KCNAB1: variants seen among roughly 807,000 people sequenced by gnomAD.
The protein encoded by KCNAB1 is voltage-gated potassium channel subunit beta-1.
KCNAB1 carries 35 observed loss-of-function variants against 64.6 expected under a neutral mutation model. That is an observed-to-expected ratio of 0.54 (90% CI 0.41 to 0.72). The LOEUF is 0.72. Among genes scored for constraint, KCNAB1 ranks in the 30% least tolerant of loss-of-function variants. The pLI is 0.00. For synonymous variants in KCNAB1, 177 were observed against 183.8 expected (o/e 0.96, Z 0.30); for missense variants, 401 against 512.9 (o/e 0.78, Z 2.11).
intron 1 of KCNAB1, among the ~76,000 whole-genome samples, chr3:156,265,917 A>G (rs922961548): frequency 6.6e-6 from 1 of 152,222 alleles, no homozygotes. Context: ...GCTTGAACCC[A>G]GGAGGCGGAG....
At chr3:156,197,688 TTTC>T (rs1257182717) in intron 1 of KCNAB1, among the ~76,000 whole-genome samples, 1 of 152,198 alleles carries the variant, frequency 6.6e-6, no homozygotes, top group East Asian at 1.9e-4. Flanking sequence ...TCTTCTCTCT[TTTC>T]TTCTTTATTA....
intron 1 of KCNAB1, among the ~76,000 whole-genome samples, chr3:156,149,581 T>A (rs541016328): frequency 3.9e-5 from 6 of 152,294 alleles, no homozygotes; most frequent in African/African-American, 9.6e-5. Context: ...GCAAACATGA[T>A]GTTCTAGCAG....
intron 1 of KCNAB1, among the ~76,000 whole-genome samples, chr3:156,257,015 C>T (rs1232162525): frequency 1.3e-5 from 2 of 152,214 alleles, no homozygotes; most frequent in East Asian, 3.8e-4. Context: ...GAGGTGGTAA[C>T]AGACCCAGCC....
chr3:156,347,994 G>A (rs1314519089), intron 1 of KCNAB1, among the ~76,000 whole-genome samples: 2 of 152,132 alleles, frequency 1.3e-5, no homozygotes, highest in Non-Finnish European at 2.9e-5. Context: ...ATACACACTA[G>A]GGAGATAGGG....
chr3:156,153,688 G>T (rs1170761681), intron 1 of KCNAB1, among the ~76,000 whole-genome samples: 1 of 152,212 alleles, frequency 6.6e-6, no homozygotes. Flanking sequence ...CTGATTGTTG[G>T]ATCTGAGACA....
At chr3:156,128,867 C>T (rs1045526960) in intron 1 of KCNAB1, among the ~76,000 whole-genome samples, 6 of 151,470 alleles carry the variant, frequency 4.0e-5, no homozygotes, top group Middle Eastern at 3.4e-3. Flanking sequence ...GAGAGCAGGG[C>T]GCAAGGGTAA....
chr3:156,285,120 A>C (rs1309012006), intron 1 of KCNAB1, among the ~76,000 whole-genome samples: 3 of 152,230 alleles, frequency 2.0e-5, no homozygotes, highest in Non-Finnish European at 4.4e-5. Flanking sequence ...AGGGATAAGA[A>C]AGCATTATGT....
intron 3 of KCNAB1, among the ~76,000 whole-genome samples, chr3:156,456,736 T>C (rs946943916): frequency 1.3e-5 from 2 of 152,268 alleles, no homozygotes; most frequent in Non-Finnish European, 2.9e-5. Context: ...CCTTCTCCAC[T>C]GCTGTTTATG....
At chr3:156,300,841 T>C (rs551210432) in intron 1 of KCNAB1, among the ~76,000 whole-genome samples, 7 of 152,332 alleles carry the variant, frequency 4.6e-5, no homozygotes, top group East Asian at 1.9e-4. Context: ...GTTTCAATGA[T>C]AGTTGAGTAT....
At chr3:156,140,882 G>A (rs1293425537) in intron 1 of KCNAB1, among the ~76,000 whole-genome samples, 1 of 152,228 alleles carries the variant, frequency 6.6e-6, no homozygotes, top group East Asian at 1.9e-4. Context: ...CTTTAAGGGA[G>A]CATGTGCGCG....
At position 156,233,602 on chromosome 3, in the gene KCNAB1, G is replaced by A. The variant is rs572947283; in HGVS notation, c.275+112716G>A. Among the ~76,000 whole-genome samples the A allele has an allele frequency of 8.5e-5, 13 of 152,292 alleles. 1 individual carries two copies. The highest frequency in any genetic ancestry group is 2.6e-4 in the African/African-American group (11 of 41,556). On this transcript the variant is annotated intron_variant, in intron 1 of 13. Transcript: ENST00000490337. ...CCTGAGTAGAGTGTTTTAGCATACA[G>A]GGCTAAGGTTTGGATGAGGACCAGC...
At chr3:156,216,555 A>G (rs764128559) in intron 1 of KCNAB1, among the ~76,000 whole-genome samples, 8 of 152,208 alleles carry the variant, frequency 5.3e-5, no homozygotes, top group Non-Finnish European at 1.2e-4. Context: ...CCAAACTAGA[A>G]TGAATAACAT....
At chr3:156,139,643 A>G (rs1210024833) in intron 1 of KCNAB1, among the ~76,000 whole-genome samples, 4 of 44,946 alleles carry the variant, frequency 8.9e-5, no homozygotes, top group Non-Finnish European at 1.9e-4. Flanking sequence ...TTTTCTTTAT[A>G]AGCTCTTATT....
chr3:156,491,679 C>T (rs544726120), intron 8 of KCNAB1, among the ~76,000 whole-genome samples: 135 of 151,976 alleles, frequency 8.9e-4, no homozygotes, highest in African/African-American at 2.9e-3. Context: ...GACTTTTATG[C>T]CTATATTCAT....
At chr3:156,216,622 G>T (rs1576613630) in intron 1 of KCNAB1, among the ~76,000 whole-genome samples, 1 of 152,188 alleles carries the variant, frequency 6.6e-6, no homozygotes, top group Admixed American at 6.5e-5. Flanking sequence ...CATGAATGAG[G>T]CAGAGTAGAC....
chr3:156,181,006 TTACA>T (rs1712773767), intron 1 of KCNAB1, among the ~76,000 whole-genome samples: 1 of 152,190 alleles, frequency 6.6e-6, no homozygotes, highest in Non-Finnish European at 1.5e-5. Context: ...TCTCCTTGGC[TTACA>T]GAGAGCTGCC....
At chr3:156,412,612 G>A (rs1714746072) in intron 1 of KCNAB1, among the ~76,000 whole-genome samples, 2 of 152,290 alleles carry the variant, frequency 1.3e-5, no homozygotes, top group South Asian at 4.1e-4. Flanking sequence ...CGAGTACTTT[G>A]CAAATGAGGA....
At chr3:156,519,545 C>T (rs1049099826) in intron 11 of KCNAB1, among the ~76,000 whole-genome samples, 1 of 152,108 alleles carries the variant, frequency 6.6e-6, no homozygotes, top group African/African-American at 2.4e-5. Flanking sequence ...TCTATTATTC[C>T]ACGAACACTT....
At chr3:156,485,263 T>G (rs1256955979) in intron 8 of KCNAB1, among the ~76,000 whole-genome samples, 1 of 152,114 alleles carries the variant, frequency 6.6e-6, no homozygotes, top group African/African-American at 2.4e-5. Context: ...CCCAACTTTT[T>G]ATTTTGAGAA....
Sources: allele counts gnomAD v4.1 joint callset (sites outside exome capture counted in the v4.1 genomes callset), GRCh38; gene constraint gnomAD v4.1.1; transcripts MANE v1.5; gene names NCBI Gene and HGNC (gene_info 2026-07-23, HGNC 2026-07-21).